Variants in EFNA2 observed in about 807,000 individuals in gnomAD.
The protein encoded by EFNA2 is ephrin A2.
A neutral mutation model predicts 19.7 loss-of-function variants in EFNA2; 18 were observed. That is an observed-to-expected ratio of 0.91 (90% CI 0.63 to 1.35). The LOEUF (loss-of-function observed/expected upper bound fraction) is 1.35, where lower values mean the gene tolerates loss of function less well. Ranked by LOEUF, EFNA2 falls within the 40% of genes most tolerant of loss-of-function variation. The probability of loss-of-function intolerance (pLI) is 0.00; values close to 1 mark genes in which losing one functional copy is unlikely to be tolerated. For synonymous variants in EFNA2, 187 were observed against 137.8 expected, an observed-to-expected ratio of 1.36 and a Z score of -2.50; for missense variants, 303 against 296.0, an observed-to-expected ratio of 1.02 and a Z score of -0.17.
rs773847053 is a variant in EFNA2 at position 1,295,626 on chromosome 19, G to A, written c.222G>A (p.Pro74=). ...ATGACTACCTGGACATCTACTGCCC[G>A]CACTATGGGGCGCCGCTGCCGCCGG... ...SINDYLDIYC[P]HYGAPLPPAE... is the part of the protein sequence containing the mutation. Residue 74 remains proline (P), a synonymous_variant, in exon 2 of 4, where the codon CCG becomes CCA. Coordinates refer to ENST00000215368, the MANE Select transcript of EFNA2 (RefSeq NM_001405.4). This position sits in a 1 kb window ranked among gnomAD's most constrained non-coding sequence, Gnocchi z 5.8. 77 of 1,611,402 alleles carry A rather than the reference G, an allele frequency of 4.8e-5. 2 individuals carry two copies. The South Asian group carries it at 8.3e-4, about 17-fold the overall frequency.
At chr19:1,292,734 G>A (rs1017577198) in intron 1 of EFNA2, among the ~76,000 whole-genome samples, 2 of 152,170 alleles carry the variant, frequency 1.3e-5, no homozygotes, top group Non-Finnish European at 2.9e-5. Flanking sequence ...ATGGATGGAG[G>A]GCTCTGAGCC....
chr19:1,300,635 G>C lies in EFNA2; in HGVS notation c.*690G>C, dbSNP rs1227091282. ...AGGTTGGGTGAGTCTGAGCCGGAAG[G>C]GGTACGTGGTGGGCGCCCCTCATTG... is the stretch of plus-strand genomic sequence containing the variant. On this transcript the variant is annotated 3_prime_UTR_variant, in exon 4 of 4. Transcript: ENST00000215368. Among the ~76,000 whole-genome samples the C allele has an allele frequency of 6.6e-6, 1 of 152,086 alleles. No individual in the cohort carries two copies. The highest frequency in any genetic ancestry group is 1.5e-5 in the Non-Finnish European group (1 of 68,016).
chr19:1,286,065 C>T lies in EFNA2; in HGVS notation c.-104C>T, dbSNP rs1406883206. 3 of 248,712 alleles carry T rather than the reference C, an allele frequency of 1.2e-5. No homozygotes were observed. The South Asian group carries it at 4.3e-4, about 36-fold the overall frequency. The allele number at this position is 248,712 out of a possible 1,614,324, so 15.4% of individuals were successfully genotyped here. A position where few individuals can be genotyped will look rare whatever the true frequency, so the allele number is the denominator to read the frequency against. On this transcript the variant is annotated 5_prime_UTR_variant, in exon 1 of 4. Coordinates refer to ENST00000215368, the MANE Select transcript of EFNA2 (RefSeq NM_001405.4). This position sits in a 1 kb window ranked among gnomAD's most constrained non-coding sequence, Gnocchi z 5.6. Reference sequence around the variant, plus strand: ...AAGCGCCGCCGCGCCCTCCTCCCGCCCGCCCTCCGCCCGCCCGCTCGGCGG... The same window carrying T: ...AAGCGCCGCCGCGCCCTCCTCCCGCTCGCCCTCCGCCCGCCCGCTCGGCGG...
chr19:1,297,280 C>G lies in EFNA2; in HGVS notation c.455-1271C>G, dbSNP rs2081520141. ...TACAAGGCCCCATTGCCTCCTTTCTCTGCTCTAGTTGGATTTTTCCCTTTT... is the reference window on the plus strand; with the variant it reads ...TACAAGGCCCCATTGCCTCCTTTCTGTGCTCTAGTTGGATTTTTCCCTTTT... On this transcript the variant is annotated intron_variant, in intron 2 of 3. Coordinates refer to ENST00000215368, the MANE Select transcript of EFNA2 (RefSeq NM_001405.4). This position sits in a 1 kb window ranked among gnomAD's most constrained non-coding sequence, Gnocchi z 5.0. 6.6e-6 allele frequency among the ~76,000 whole-genome samples: 1 copy of G among 152,194 alleles called. No homozygotes were observed. The highest frequency in any genetic ancestry group is 2.4e-5 in the African/African-American group (1 of 41,450).
At position 1,298,588 on chromosome 19, in the gene EFNA2, G is replaced by C; in HGVS notation, c.492G>C (p.Leu164=). 1 of 1,614,026 alleles carries C rather than the reference G, an allele frequency of 6.2e-7. No individual in the cohort carries two copies. The highest frequency in any genetic ancestry group is 1.1e-5 in the South Asian group (1 of 91,070). Residue 164 remains leucine (L), a synonymous_variant, in exon 3 of 4, where the codon CTG becomes CTC. Transcript: ENST00000215368. The stretch of plus-strand genomic sequence containing the variant: ...CCAATGCTGTGGACCGGCCCTGCCT[G>C]CGACTGAAGGTGTACGTGCGGCCGA... ...TPPNAVDRPC[L]RLKVYVRPTN... is the part of the protein sequence containing the mutation.
At chr19:1,284,604 G>A (rs867381657), upstream of EFNA2, among the ~76,000 whole-genome samples, 15 of 152,232 alleles carry the variant, frequency 9.9e-5, no homozygotes, top group African/African-American at 2.9e-4. This position sits in a 1 kb window ranked among gnomAD's most constrained non-coding sequence, Gnocchi z 5.3. Flanking sequence ...GGGGGAGGAG[G>A]GCACGCAGGA....
At chr19:1,285,755 G>T (rs1333247021), upstream of EFNA2, among the ~76,000 whole-genome samples, 1 of 150,452 alleles carries the variant, frequency 6.6e-6, no homozygotes, top group Non-Finnish European at 1.5e-5. This position sits in a 1 kb window ranked among gnomAD's most constrained non-coding sequence, Gnocchi z 4.1. Flanking sequence ...CCTGAGACGG[G>T]GTGGGCCGGG....
chr19:1,290,182 G>A (rs1418674265), intron 1 of EFNA2, among the ~76,000 whole-genome samples: 2 of 152,282 alleles, frequency 1.3e-5, no homozygotes, highest in Non-Finnish European at 2.9e-5. Context: ...AGGCCTGAGG[G>A]TGGTCCCAGG....
At chr19:1,291,659 G>C (rs568052493) in intron 1 of EFNA2, among the ~76,000 whole-genome samples, 3 of 152,200 alleles carry the variant, frequency 2.0e-5, no homozygotes, top group African/African-American at 7.2e-5. Flanking sequence ...CCTGGCTGCC[G>C]GCCACACCAC....
chr19:1,292,456 C>T (rs1197109108), intron 1 of EFNA2, among the ~76,000 whole-genome samples: 1 of 152,214 alleles, frequency 6.6e-6, no homozygotes, highest in Non-Finnish European at 1.5e-5. Context: ...GTGTAGGGCC[C>T]TGGGGAGGGG....
intron 2 of EFNA2, among the ~76,000 whole-genome samples, chr19:1,298,154 G>T (rs1435571085): frequency 1.3e-5 from 2 of 151,506 alleles, no homozygotes; most frequent in Non-Finnish European, 2.9e-5. Context: ...AGAGGGAGCG[G>T]CTTGTCCACA....
rs116801141 is a variant in EFNA2, at chr19:1,300,183, C to T, written c.*238C>T. The stretch of plus-strand genomic sequence containing the variant: ...GGCCCGAGGGGCCGGGGTGTGGATG[C>T]GGACCGTGGCCAGGCCATCTCCTCT... On this transcript the variant is annotated 3_prime_UTR_variant, in exon 4 of 4. Coordinates refer to ENST00000215368, the MANE Select transcript of EFNA2 (RefSeq NM_001405.4). 1.7e-4 allele frequency: 53 copies of T among 306,532 alleles called. No homozygotes were observed. Among genetic ancestry groups the T allele is most frequent in the Admixed American group, 1.1e-3 (19 of 16,946 alleles). The allele number at this position is 306,532 out of a possible 1,614,324, so 19.0% of individuals were successfully genotyped here.
In EFNA2 at chr19:1,296,895, C is replaced by T. The variant is rs1362826375; in HGVS notation, c.454+1037C>T. On this transcript the variant is annotated intron_variant, in intron 2 of 3. Coordinates refer to ENST00000215368, the MANE Select transcript of EFNA2 (RefSeq NM_001405.4). The surrounding 1 kb of genome is among the most constrained non-coding windows in gnomAD (Gnocchi z 4.4). ...GGGTGGGCCAGGCTGAGGGAGGCTGCCAGTCCCTGCTGCTTATCGGAGGTC... is the reference window on the plus strand; with the variant it reads ...GGGTGGGCCAGGCTGAGGGAGGCTGTCAGTCCCTGCTGCTTATCGGAGGTC... Among the ~76,000 whole-genome samples, 18 of 152,214 alleles carry T rather than the reference C, an allele frequency of 1.2e-4. No individual in the cohort carries two copies. Among genetic ancestry groups the T allele is most frequent in the Admixed American group, 1.1e-3 (17 of 15,290 alleles).
chr19:1,297,955 C>T lies in EFNA2; in HGVS notation c.455-596C>T, dbSNP rs1339508184. On this transcript the variant is annotated intron_variant, in intron 2 of 3. Transcript: ENST00000215368. This position sits in a 1 kb window ranked among gnomAD's most constrained non-coding sequence, Gnocchi z 5.0. ...GGCATGGTGGCACACATTTGTAATCCTGTTTACTTGGGAGGCTGAGGCAGG... is the reference window on the plus strand; with the variant it reads ...GGCATGGTGGCACACATTTGTAATCTTGTTTACTTGGGAGGCTGAGGCAGG... Among the ~76,000 whole-genome samples, 1 of 151,176 alleles carries T rather than the reference C, an allele frequency of 6.6e-6. No individual in the cohort carries two copies. The highest frequency in any genetic ancestry group is 1.5e-5 in the Non-Finnish European group (1 of 67,912).
At position 1,286,386 on chromosome 19, in the gene EFNA2, A is replaced by T; in HGVS notation, c.140+78A>T. 2 of 702,522 alleles carry T rather than the reference A, an allele frequency of 2.8e-6. No individual in the cohort carries two copies. Among genetic ancestry groups the T allele is most frequent in the Non-Finnish European group, 3.5e-6 (2 of 577,006 alleles). The allele number at this position is 702,522 out of a possible 1,614,324, so 43.5% of individuals were successfully genotyped here. A position where few individuals can be genotyped will look rare whatever the true frequency, so the allele number is the denominator to read the frequency against. On this transcript the variant is annotated intron_variant, in intron 1 of 3. Transcript: ENST00000215368. The surrounding 1 kb of genome is among the most constrained non-coding windows in gnomAD (Gnocchi z 5.6). ...GCCGCGCCCGGCCTCGCGCCCCCGGAGCTCCGGGCGCCCCCCACGCGCGCG... is the reference window on the plus strand; with the variant it reads ...GCCGCGCCCGGCCTCGCGCCCCCGGTGCTCCGGGCGCCCCCCACGCGCGCG...
At position 1,297,793 on chromosome 19, in the gene EFNA2, G is replaced by A. The variant is rs2081522464; in HGVS notation, c.455-758G>A. Among the ~76,000 whole-genome samples the A allele has an allele frequency of 6.6e-6, 1 of 152,078 alleles. No homozygotes were observed. ...GTTGGAAATAATCTTTCCCAGCCAG[G>A]CGTGGCGGTGGCTCACGCCTGTAAT... On this transcript the variant is annotated intron_variant, in intron 2 of 3. Transcript: ENST00000215368. The surrounding 1 kb of genome is among the most constrained non-coding windows in gnomAD (Gnocchi z 5.0).
chr19:1,299,852 C>T lies in EFNA2; in HGVS notation c.549C>T (p.Pro183=), dbSNP rs766828481. 1.9e-6 allele frequency: 3 copies of T among 1,604,470 alleles called. No individual in the cohort carries two copies. The East Asian group carries it at 6.7e-5, about 36-fold the overall frequency. ...TNETLYEAPE[P]IFTSNNSCSS... is the part of the protein sequence containing the mutation. Reference sequence around the variant, plus strand: ...AGACCCTGTACGAGGCTCCTGAGCCCATCTTCACCAGCAATAACTCGTGTA... The same window carrying T: ...AGACCCTGTACGAGGCTCCTGAGCCTATCTTCACCAGCAATAACTCGTGTA... The change falls in exon 4 of 4, where the codon CCC becomes CCT. Residue 183 remains proline (P), a synonymous_variant. Coordinates refer to ENST00000215368, the MANE Select transcript of EFNA2 (RefSeq NM_001405.4).
At chr19:1,299,491 G>C (rs2081530279) in intron 3 of EFNA2, among the ~76,000 whole-genome samples, 2 of 151,968 alleles carry the variant, frequency 1.3e-5, no homozygotes, top group Admixed American at 6.6e-5. Flanking sequence ...GGGAGGCGGA[G>C]GTTGCAGTGA....
intron 1 of EFNA2, among the ~76,000 whole-genome samples, chr19:1,293,584 G>A (rs563353254): frequency 4.3e-4 from 65 of 152,302 alleles, no homozygotes; most frequent in Admixed American, 2.7e-3. Context: ...CCGAAGCCCC[G>A]GAAGGGCCCC....
Sources: allele counts gnomAD v4.1 joint callset (sites outside exome capture counted in the v4.1 genomes callset), GRCh38; gene constraint gnomAD v4.1.1; non-coding constraint Gnocchi (gnomAD v3.1); transcripts MANE v1.5; gene names NCBI Gene and HGNC (gene_info 2026-07-23, HGNC 2026-07-21).